TRIP10: variants seen among roughly 807,000 people sequenced by gnomAD.
TRIP10 encodes the protein cdc42-interacting protein 4.
A neutral mutation model predicts 80.9 loss-of-function variants in TRIP10; 54 were observed. The ratio of observed to expected loss-of-function variants is 0.67; its 90% CI spans 0.54 to 0.84. The LOEUF is 0.84. Ranked by LOEUF, TRIP10 falls within the 40% of genes least tolerant of loss-of-function variation. TRIP10 has a pLI of 0.00. For missense variants in TRIP10, 773 were observed against 815.3 expected (o/e 0.95, Z 0.63); for synonymous variants, 321 against 307.2 (o/e 1.04, Z -0.47).
chr19:6,743,615 C>CGGGGGAGGGGGGGGGGGGGGGGGGG lies in TRIP10; in HGVS notation c.513+22_513+23insAGGGGGGGGGGGGGGGGGGGGGGGG. 1.3e-6 allele frequency: 1 copy of CGGGGGAGGGGGGGGGGGGGGGGGGG among 770,178 alleles called. No homozygotes were observed. The allele number at this position is 770,178 out of a possible 1,614,324, so 47.7% of individuals were successfully genotyped here. ...GTGGAGAAGGTGTGTGTGGCGGGGG[C>CGGGGGAGGGGGGGGGGGGGGGGGGG]GGGGGGGGGGTGCGGGGTCTGGGAC... On this transcript the variant is annotated intron_variant, in intron 6 of 14. Coordinates refer to ENST00000313244, the MANE Select transcript of TRIP10 (RefSeq NM_001288962.2).
chr19:6,742,910 A>G (rs1968964028), intron 3 of TRIP10, 57 bp from the exon 4 acceptor site: 20 of 1,597,176 alleles, frequency 1.3e-5, no homozygotes, highest in African/African-American at 2.7e-5. Flanking sequence ...CTGGGGCATC[A>G]GCCTGCTCGG....
At position 6,745,996 on chromosome 19, in the gene TRIP10, C is replaced by T. The variant is rs1464133612; in HGVS notation, c.985-33C>T. The T allele has an allele frequency of 1.5e-6, 1 of 667,234 alleles. No individual in the cohort carries two copies. Among genetic ancestry groups the T allele is most frequent in the Non-Finnish European group, 1.9e-6 (1 of 531,216 alleles). The allele number at this position is 667,234 out of a possible 1,614,324, so 41.3% of individuals were successfully genotyped here. ...ATCCTCCTATGCCCCCCCACCCCTTCAACCTATCCCCCTCCCCGGCCCCCG... is the reference window on the plus strand; with the variant it reads ...ATCCTCCTATGCCCCCCCACCCCTTTAACCTATCCCCCTCCCCGGCCCCCG... On this transcript the variant is annotated intron_variant, in intron 9 of 14. Coordinates refer to ENST00000313244, the MANE Select transcript of TRIP10 (RefSeq NM_001288962.2). The surrounding 1 kb of genome is among the most constrained non-coding windows in gnomAD (Gnocchi z 7.2).
chr19:6,750,069 CAGGAA>C lies in TRIP10; in HGVS notation c.1395+6_1395+10del. On this transcript the variant is annotated splice_donor_5th_base_variant and intron_variant, in intron 12 of 14. Transcript: ENST00000313244. Reference sequence around the variant, plus strand: ...AATTGGAAGTGCAGAAGTATGAGGTCAGGAAAGACCCTGGGGAGGGGCGGGAGCCA... The same window carrying C: ...AATTGGAAGTGCAGAAGTATGAGGTCAGACCCTGGGGAGGGGCGGGAGCCA... The C allele has an allele frequency of 6.3e-7, 1 of 1,593,912 alleles. No homozygotes were observed. The highest frequency in any genetic ancestry group is 8.5e-7 in the Non-Finnish European group (1 of 1,177,282).
Position 6,741,097 on chromosome 19 carries a change from G to T in TRIP10, c.112G>T (p.Val38Leu). Residue 38 changes from valine to leucine, a missense_variant, in exon 2 of 15, where the codon GTG becomes TTG. Val to Leu is a conservative substitution (Grantham distance 32). Transcript: ENST00000313244. ...AAAGTTCGTGAAAGAACGCACCGAA[G>T]TGGAACAGGCTTACGCCAAACAACT... ...YVKFVKERTE[V>L]EQAYAKQLRS... is the part of the protein sequence containing the mutation. The T allele has an allele frequency of 6.2e-7, 1 of 1,614,240 alleles. No homozygotes were observed. Among genetic ancestry groups the T allele is most frequent in the South Asian group, 1.1e-5 (1 of 91,088 alleles).
rs1969130833 is a variant in TRIP10 at position 6,746,316 on chromosome 19, A to T, written c.1152+120A>T. On this transcript the variant is annotated intron_variant, in intron 10 of 14. Coordinates refer to ENST00000313244, the MANE Select transcript of TRIP10 (RefSeq NM_001288962.2). This position sits in a 1 kb window ranked among gnomAD's most constrained non-coding sequence, Gnocchi z 6.2. ...CCCCTCTTCCCTGGTTGCCCAACCCAGACCTGCTTTGCTCTGTGCATGGCT... is the reference window on the plus strand; with the variant it reads ...CCCCTCTTCCCTGGTTGCCCAACCCTGACCTGCTTTGCTCTGTGCATGGCT... 6.6e-7 allele frequency: 1 copy of T among 1,505,832 alleles called. No homozygotes were observed. 93.3% of individuals were successfully genotyped at this position (1,505,832 alleles called of 1,614,324 possible).
intron 3 of TRIP10, 102 bp downstream of exon 3, chr19:6,741,383 TTC>T: frequency 7.5e-7 from 1 of 1,337,068 alleles, no homozygotes. Flanking sequence ...CTCCTCTCAC[TTC>T]CCCTTCTAGA....
chr19:6,745,807 T>G lies in TRIP10; in HGVS notation c.985-222T>G. 1 of 985,374 alleles carries G rather than the reference T, an allele frequency of 1.0e-6. No homozygotes were observed. Among genetic ancestry groups the G allele is most frequent in the Non-Finnish European group, 1.2e-6 (1 of 829,924 alleles). The allele number at this position is 985,374 out of a possible 1,614,324, so 61.0% of individuals were successfully genotyped here. ...CTCCCCGCCACCTTCCAGATTTTTT[T>G]GTGTCGCTCCTGCATGCGTTTTCTC... On this transcript the variant is annotated intron_variant, in intron 9 of 14. Transcript: ENST00000313244. The surrounding 1 kb of genome is among the most constrained non-coding windows in gnomAD (Gnocchi z 7.2).
In TRIP10 at chr19:6,742,963, C is replaced by G; in HGVS notation, c.198-4C>G. The stretch of plus-strand genomic sequence containing the variant: ...CCTGTTCCCCGATTCTCATCCAACC[C>G]CAGATTCAGCCAGCAACAGTCCTTC... On this transcript the variant is annotated splice_region_variant and splice_polypyrimidine_tract_variant and intron_variant, in intron 3 of 14. Transcript: ENST00000313244. The G allele has an allele frequency of 1.2e-6, 2 of 1,613,840 alleles. No homozygotes were observed. Among genetic ancestry groups the G allele is most frequent in the Non-Finnish European group, 1.7e-6 (2 of 1,179,940 alleles).
chr19:6,746,413 C>T lies in TRIP10; in HGVS notation c.1153-39C>T. The T allele has an allele frequency of 6.2e-7, 1 of 1,608,626 alleles. No homozygotes were observed. Among genetic ancestry groups the T allele is most frequent in the Non-Finnish European group, 8.5e-7 (1 of 1,175,330 alleles). On this transcript the variant is annotated intron_variant, in intron 10 of 14. Coordinates refer to ENST00000313244, the MANE Select transcript of TRIP10 (RefSeq NM_001288962.2). This position sits in a 1 kb window ranked among gnomAD's most constrained non-coding sequence, Gnocchi z 6.2. ...CGGGTGCAGAGTCTGGCAGGCTAGA[C>T]TCCTTGATCCCAAATTCAGCCCTCT...
Position 6,746,004 on chromosome 19 carries a change from C to G in TRIP10, c.985-25C>G. On this transcript the variant is annotated intron_variant, in intron 9 of 14. Coordinates refer to ENST00000313244, the MANE Select transcript of TRIP10 (RefSeq NM_001288962.2). This position sits in a 1 kb window ranked among gnomAD's most constrained non-coding sequence, Gnocchi z 6.2. ...ATGCCCCCCCACCCCTTCAACCTATCCCCCTCCCCGGCCCCCGCCGGTAGC... is the reference window on the plus strand; with the variant it reads ...ATGCCCCCCCACCCCTTCAACCTATGCCCCTCCCCGGCCCCCGCCGGTAGC... The G allele has an allele frequency of 1.7e-6, 1 of 581,784 alleles. No homozygotes were observed. Among genetic ancestry groups the G allele is most frequent in the Non-Finnish European group, 2.2e-6 (1 of 450,268 alleles). The allele number at this position is 581,784 out of a possible 1,614,324, so 36.0% of individuals were successfully genotyped here. A position where few individuals can be genotyped will look rare whatever the true frequency, so the allele number is the denominator to read the frequency against.
intron 13 of TRIP10, 38 bp downstream of exon 13, chr19:6,750,469 C>G: frequency 6.2e-7 from 1 of 1,613,836 alleles, no homozygotes; most frequent in Non-Finnish European, 8.5e-7. Flanking sequence ...TTCCCAGGGT[C>G]CCAGGAGGGC....
rs572635323 is a variant in TRIP10 at position 6,745,993 on chromosome 19, C to T, written c.985-36C>T. Reference sequence around the variant, plus strand: ...TACATCCTCCTATGCCCCCCCACCCCTTCAACCTATCCCCCTCCCCGGCCC... The same window carrying T: ...TACATCCTCCTATGCCCCCCCACCCTTTCAACCTATCCCCCTCCCCGGCCC... On this transcript the variant is annotated intron_variant, in intron 9 of 14. Transcript: ENST00000313244. The surrounding 1 kb of genome is among the most constrained non-coding windows in gnomAD (Gnocchi z 7.2). 10 of 945,194 alleles carry T rather than the reference C, an allele frequency of 1.1e-5. No individual in the cohort carries two copies. The South Asian group carries it at 3.4e-4, about 32-fold the overall frequency. The allele number at this position is 945,194 out of a possible 1,614,324, so 58.6% of individuals were successfully genotyped here. A position where few individuals can be genotyped will look rare whatever the true frequency, so the allele number is the denominator to read the frequency against.
chr19:6,746,640 T>G lies in TRIP10; in HGVS notation c.1262+79T>G. On this transcript the variant is annotated intron_variant, in intron 11 of 14. Transcript: ENST00000313244. The surrounding 1 kb of genome is among the most constrained non-coding windows in gnomAD (Gnocchi z 6.2). ...GAACTTCACTTATTTGTTTATTATT[T>G]TATTTTATTTATTTTATTATATTTT... The G allele has an allele frequency of 1.1e-6, 1 of 923,462 alleles. No homozygotes were observed. The highest frequency in any genetic ancestry group is 2.5e-5 in the South Asian group (1 of 40,590). The allele number at this position is 923,462 out of a possible 1,614,324, so 57.2% of individuals were successfully genotyped here. A position where few individuals can be genotyped will look rare whatever the true frequency, so the allele number is the denominator to read the frequency against.
intron 7 of TRIP10, 139 bp downstream of exon 7, chr19:6,743,975 G>C: frequency 8.4e-7 from 1 of 1,189,806 alleles, no homozygotes; most frequent in Non-Finnish European, 1.2e-6. Flanking sequence ...GTAACAGTGA[G>C]CTGTGCTTTT....
chr19:6,743,808 A>C lies in TRIP10; in HGVS notation c.614A>C (p.Tyr205Ser). The change falls in exon 7 of 15, where the codon TAT becomes TCT. Residue 205 changes from tyrosine (Y) to serine (S), a missense_variant. Coordinates refer to ENST00000313244, the MANE Select transcript of TRIP10 (RefSeq NM_001288962.2). Reference sequence around the variant, plus strand: ...TTCAACCGAGACCAAGCCCACTTCTATTTTTCACAGATGCCCCAGATATTC... The same window carrying C: ...TTCAACCGAGACCAAGCCCACTTCTCTTTTTCACAGATGCCCCAGATATTC... ...QRFNRDQAHF[Y>S]FSQMPQIFDK... 1 of 1,613,856 alleles carries C rather than the reference A, an allele frequency of 6.2e-7. No individual in the cohort carries two copies. Among genetic ancestry groups the C allele is most frequent in the African/African-American group, 1.3e-5 (1 of 74,926 alleles).
chr19:6,750,342 C>T lies in TRIP10; in HGVS notation c.1446C>T (p.Ser482=). 6.2e-7 allele frequency: 1 copy of T among 1,614,080 alleles called. No homozygotes were observed. The highest frequency in any genetic ancestry group is 8.5e-7 in the Non-Finnish European group (1 of 1,179,992). The change falls in exon 13 of 15, where the codon AGC becomes AGT. Residue 482 remains serine, a synonymous_variant. Transcript: ENST00000313244. ...ESRVLSNRGD[S]LSRHARPPDP... is the part of the protein sequence containing the mutation. ...GAGTCCTTAGCAACCGGGGAGACAG[C>T]CTGAGCCGGCACGCCCGGCCTCCCG...
Position 6,745,730 on chromosome 19 carries a change from G to GGA in TRIP10, c.985-296_985-295dup. ...CCGGACATAACATTCCAGAGACCTA[G>GGA]GAGATACCGGGGGAGTGAGAGTTCT... On this transcript the variant is annotated intron_variant, in intron 9 of 14. Transcript: ENST00000313244. This position sits in a 1 kb window ranked among gnomAD's most constrained non-coding sequence, Gnocchi z 7.2. 2 of 985,192 alleles carry GGA rather than the reference G, an allele frequency of 2.0e-6. No individual in the cohort carries two copies. The highest frequency in any genetic ancestry group is 2.4e-6 in the Non-Finnish European group (2 of 829,902). 61.0% of individuals were successfully genotyped at this position (985,192 alleles called of 1,614,324 possible). A position where few individuals can be genotyped will look rare whatever the true frequency, so the allele number is the denominator to read the frequency against.
chr19:6,750,676 T>C, intron 14 of TRIP10, 43 bp downstream of exon 14: 3 of 1,608,882 alleles, frequency 1.9e-6, no homozygotes, highest in Non-Finnish European at 2.5e-6. Context: ...TGGGAGGCAG[T>C]GTCTCTGGCT....
chr19:6,741,761 A>G (rs1014392009), intron 3 of TRIP10, among the ~76,000 whole-genome samples: 4 of 152,314 alleles, frequency 2.6e-5, no homozygotes, highest in East Asian at 1.9e-4. Flanking sequence ...CTGGAAATCA[A>G]GTTGTTTTGG....
Sources: gnomAD v4.1 joint callset for allele counts (sites outside exome capture counted in the v4.1 genomes callset) on GRCh38, gnomAD v4.1.1 for gene constraint, Gnocchi (gnomAD v3.1) non-coding constraint, MANE v1.5 for transcripts, NCBI Gene and HGNC (gene_info 2026-07-23, HGNC 2026-07-21) for gene names.